The following ADAM12 variants were observed in gnomAD, a reference collection of about 807,000 sequenced individuals.
ADAM12 encodes ADAM metallopeptidase domain 12.
In ADAM12, 70 loss-of-function variants were observed where a neutral mutation model predicts 106.4. The observed-to-expected ratio is 0.66, with a 90% CI of 0.54 to 0.80. The LOEUF (loss-of-function observed/expected upper bound fraction) is 0.80, where lower values mean the gene tolerates loss of function less well. ADAM12 is among the 30% of genes least tolerant of loss of function. The pLI is 0.00. For synonymous variants in ADAM12, 420 were observed against 433.5 expected, an observed-to-expected ratio of 0.97 and a Z score of 0.39; for missense variants, 1,010 against 1,171.9, an observed-to-expected ratio of 0.86 and a Z score of 2.02.
At chr10:126,311,848 T>C (rs1961112897) in intron 2 of ADAM12, among the ~76,000 whole-genome samples, 1 of 152,008 alleles carries the variant, frequency 6.6e-6, no homozygotes, top group Non-Finnish European at 1.5e-5. Context: ...ACCATATATT[T>C]TATAATAAAG....
At position 126,135,577 on chromosome 10, in the gene ADAM12, C is replaced by G; in HGVS notation, c.416+7G>C. The G allele has an allele frequency of 6.2e-7, 1 of 1,613,828 alleles. No individual in the cohort carries two copies. The highest frequency in any genetic ancestry group is 8.5e-7 in the Non-Finnish European group (1 of 1,179,708). On this transcript the variant is annotated splice_region_variant and intron_variant, in intron 5 of 22. Coordinates refer to ENST00000448723, the MANE Select transcript of ADAM12 (RefSeq NM_001288973.2). ...AGACTAGAGCCGCCATGGTCATGGC[C>G]ACTTACCTGAGACCAGAACACGTGC...
At chr10:126,197,334 G>T (rs766809926) in intron 3 of ADAM12, among the ~76,000 whole-genome samples, 1 of 152,218 alleles carries the variant, frequency 6.6e-6, no homozygotes. Flanking sequence ...CTGAGGCCGA[G>T]CCTGGTGCCC....
At chr10:126,176,838 C>G (rs1331759565) in intron 3 of ADAM12, among the ~76,000 whole-genome samples, 1 of 152,148 alleles carries the variant, frequency 6.6e-6, no homozygotes, top group Non-Finnish European at 1.5e-5. Flanking sequence ...ACTGCAGGAG[C>G]TTCCCTCTAA....
intron 21 of ADAM12, among the ~76,000 whole-genome samples, chr10:126,027,415 TA>T (rs35918077): frequency 0.022 from 3,253 of 150,432 alleles, 96 homozygotes; most frequent in African/African-American, 0.069. Context: ...CTGGGAGAGA[TA>T]AAAAAAAACC....
At chr10:126,126,312 G>A (rs1279423625) in intron 5 of ADAM12, among the ~76,000 whole-genome samples, 3 of 152,072 alleles carry the variant, frequency 2.0e-5, no homozygotes, top group Non-Finnish European at 2.9e-5. Context: ...CTTCCTTCAG[G>A]ATCCCCAGCA....
intron 11 of ADAM12, among the ~76,000 whole-genome samples, chr10:126,083,997 A>C (rs1050987454): frequency 2.6e-5 from 4 of 152,242 alleles, no homozygotes; most frequent in African/African-American, 9.6e-5. Flanking sequence ...CCACCAGGCC[A>C]GGAGCAAATG....
intron 3 of ADAM12, among the ~76,000 whole-genome samples, chr10:126,158,908 T>C (rs574819690): frequency 6.6e-6 from 1 of 150,440 alleles, no homozygotes; most frequent in Non-Finnish European, 1.5e-5. Context: ...GTGGGGAGGA[T>C]GCACAGAGCA....
chr10:126,290,586 G>GC (rs1244161530), intron 2 of ADAM12, among the ~76,000 whole-genome samples: 1 of 152,172 alleles, frequency 6.6e-6, no homozygotes, highest in African/African-American at 2.4e-5. Flanking sequence ...CTACTGCACA[G>GC]CATGACAGTG....
chr10:126,279,063 G>A, intron 2 of ADAM12, 75 bp from the exon 3 acceptor site: 2 of 1,131,278 alleles, frequency 1.8e-6, no homozygotes, highest in Admixed American at 1.9e-5. Flanking sequence ...AGACCCACAG[G>A]CGTAGTCAAA....
At chr10:126,198,345 A>C (rs982722572) in intron 3 of ADAM12, among the ~76,000 whole-genome samples, 2 of 152,322 alleles carry the variant, frequency 1.3e-5, no homozygotes, top group Non-Finnish European at 2.9e-5. Flanking sequence ...GAAGTGTAAG[A>C]CGACAGAATT....
At chr10:126,175,443 T>A (rs1211386544) in intron 3 of ADAM12, among the ~76,000 whole-genome samples, 1 of 150,868 alleles carries the variant, frequency 6.6e-6, no homozygotes, top group Non-Finnish European at 1.5e-5. Context: ...AAGACGAGAC[T>A]TCTACAGGTT....
chr10:126,145,558 C>T (rs1459875986), intron 4 of ADAM12: 1 of 152,488 alleles, frequency 6.6e-6, no homozygotes, highest in Non-Finnish European at 1.5e-5. Context: ...AGATCAGGCT[C>T]ATTCTGGGTA....
chr10:126,269,023 T>G (rs1332489061), intron 3 of ADAM12, among the ~76,000 whole-genome samples: 1 of 152,132 alleles, frequency 6.6e-6, no homozygotes, highest in Non-Finnish European at 1.5e-5. Context: ...GTTATCCATT[T>G]TTATGGTTAT....
At chr10:126,019,871 C>T (rs368922079) in intron 21 of ADAM12, 46 bp from the exon 22 acceptor site, 66 of 1,560,926 alleles carry the variant, frequency 4.2e-5, no homozygotes, top group Non-Finnish European at 5.3e-5. Context: ...CAGGAGCCAG[C>T]AGAGGCCCCT....
intron 3 of ADAM12, among the ~76,000 whole-genome samples, chr10:126,234,108 T>C (rs527928920): frequency 1.3e-5 from 2 of 152,102 alleles, no homozygotes; most frequent in Admixed American, 1.3e-4. Flanking sequence ...CCCAAGCTCA[T>C]GGACAGGCAC....
intron 11 of ADAM12, among the ~76,000 whole-genome samples, chr10:126,083,727 GC>G (rs556927385): frequency 2.6e-5 from 4 of 152,322 alleles, no homozygotes; most frequent in African/African-American, 9.6e-5. Flanking sequence ...GGAAATAGGC[GC>G]CCCGCCTCAA....
At chr10:126,196,604 G>A (rs1957601021) in intron 3 of ADAM12, among the ~76,000 whole-genome samples, 1 of 152,232 alleles carries the variant, frequency 6.6e-6, no homozygotes, top group South Asian at 2.1e-4. Context: ...CATGTTGGAT[G>A]CTAGGTGGGA....
intron 9 of ADAM12, 59 bp downstream of exon 9, chr10:126,101,013 G>A (rs1565057389): frequency 4.4e-6 from 7 of 1,584,812 alleles, no homozygotes; most frequent in Admixed American, 3.4e-5. Context: ...CAGGTGAAAC[G>A]AAGGGCTTCG....
chr10:126,091,840 C>A (rs1955470500), intron 11 of ADAM12, among the ~76,000 whole-genome samples: 1 of 152,130 alleles, frequency 6.6e-6, no homozygotes, highest in African/African-American at 2.4e-5. Context: ...ATCATCTGTG[C>A]ATTCCTCCCC....
Sources: allele counts gnomAD v4.1 joint callset (sites outside exome capture counted in the v4.1 genomes callset), GRCh38; gene constraint gnomAD v4.1.1; transcripts MANE v1.5; gene names NCBI Gene and HGNC (gene_info 2026-07-23, HGNC 2026-07-21).